The following PER3 variants were observed in gnomAD, a reference collection of about 807,000 sequenced individuals.
The protein encoded by PER3 is period circadian regulator 3.
A neutral mutation model predicts 127.2 loss-of-function variants in PER3; 107 were observed. The observed-to-expected ratio is 0.84, with a 90% CI of 0.72 to 0.99. The LOEUF (loss-of-function observed/expected upper bound fraction) is 0.99, where lower values mean the gene tolerates loss of function less well. PER3 is among the 50% of genes least tolerant of loss of function. The probability of loss-of-function intolerance (pLI) is 0.00; values close to 1 mark genes in which losing one functional copy is unlikely to be tolerated. For synonymous variants in PER3, 618 were observed against 585.8 expected, an observed-to-expected ratio of 1.05 and a Z score of -0.79; for missense variants, 1,560 against 1,525.8, an observed-to-expected ratio of 1.02 and a Z score of -0.37.
Position 7,785,451 on chromosome 1 carries a change from G to A in PER3, c.139G>A (p.Asp47Asn). 1 of 1,612,544 alleles carries A rather than the reference G, an allele frequency of 6.2e-7. No homozygotes were observed. Among genetic ancestry groups the A allele is most frequent in the African/African-American group, 1.3e-5 (1 of 74,996 alleles). The change falls in exon 3 of 22, where the codon GAT becomes AAT. Residue 47 changes from aspartate (D) to asparagine (N), a missense_variant. Asp to Asn is a conservative substitution (Grantham distance 23). Coordinates refer to ENST00000377532, the MANE Select transcript of PER3 (RefSeq NM_001377275.1). ...LADSSHSEQQ[D>N]RNRVSEELIM... ...TTTTTTATCTTCCAGTGAACAGCAA[G>A]ATCGAAACAGAGTTTCTGAAGAACT...
chr1:7,819,291 G>A lies in PER3; in HGVS notation c.1529G>A (p.Cys510Tyr). 6.2e-7 allele frequency: 1 copy of A among 1,613,526 alleles called. No homozygotes were observed. The highest frequency in any genetic ancestry group is 8.5e-7 in the Non-Finnish European group (1 of 1,179,528). Residue 510 changes from cysteine to tyrosine, a missense_variant, in exon 14 of 22, where the codon TGT becomes TAT. This residue lies in a region of PER3 where 1,332 missense variants were observed against 1,223.6 expected (regional missense o/e 1.09). Coordinates refer to ENST00000377532, the MANE Select transcript of PER3 (RefSeq NM_001377275.1). ...GGESANGGGE[C>Y]KTFTSFHQTL... ...TCCCTTTATTCTGTTTCAGGTGAATGTAAGACCTTTACTTCCTTCCACCAA... is the reference window on the plus strand; with the variant it reads ...TCCCTTTATTCTGTTTCAGGTGAATATAAGACCTTTACTTCCTTCCACCAA...
At chr1:7,815,177 T>C (rs2097241782) in intron 13 of PER3, among the ~76,000 whole-genome samples, 1 of 152,204 alleles carries the variant, frequency 6.6e-6, no homozygotes, top group Admixed American at 6.5e-5. Context: ...GTGGCTGGCA[T>C]ATTTTAATCC....
chr1:7,812,311 A>G (rs1558430309), intron 13 of PER3, among the ~76,000 whole-genome samples: 1 of 152,006 alleles, frequency 6.6e-6, no homozygotes, highest in Non-Finnish European at 1.5e-5. Context: ...GCAATATTCC[A>G]TCATTCACTT....
chr1:7,831,818 G>A (rs1309538693), intron 19 of PER3, among the ~76,000 whole-genome samples: 1 of 152,172 alleles, frequency 6.6e-6, no homozygotes, highest in Non-Finnish European at 1.5e-5. Flanking sequence ...TTGCATCTCT[G>A]TGCAGAATAT....
intron 21 of PER3, among the ~76,000 whole-genome samples, chr1:7,838,729 A>G (rs2097369800): frequency 6.6e-6 from 1 of 152,182 alleles, no homozygotes; most frequent in South Asian, 2.1e-4. Flanking sequence ...GAGTGGAATC[A>G]TACATTATTT....
rs2097399940 is a variant in PER3 at position 7,843,411 on chromosome 1, TA to T, written c.*661del. The T allele has an allele frequency of 2.0e-5, 3 of 152,520 alleles. No homozygotes were observed. The highest frequency in any genetic ancestry group is 7.2e-5 in the African/African-American group (3 of 41,570). The allele number at this position is 152,520 out of a possible 1,614,324, so 9.4% of individuals were successfully genotyped here. On this transcript the variant is annotated 3_prime_UTR_variant, in exon 22 of 22. Transcript: ENST00000377532. ...CAGTGAAATTCTGAAAGTCTTATCT[TA>T]AAAATCGATCCGCTTACCATGGGCC...
At chr1:7,810,095 A>C in intron 12 of PER3, 74 bp downstream of exon 12, 1 of 1,357,166 alleles carries the variant, frequency 7.4e-7, no homozygotes, top group South Asian at 1.3e-5. Flanking sequence ...ATGTGGTGAC[A>C]TCTTAGTATA....
Position 7,809,004 on chromosome 1 carries a change from G to A in PER3, c.1242+6G>A, listed in dbSNP as rs1047825129. The A allele has an allele frequency of 2.2e-6, 3 of 1,358,776 alleles. No homozygotes were observed. Among genetic ancestry groups the A allele is most frequent in the East Asian group, 4.6e-5 (2 of 43,262 alleles). The allele number at this position is 1,358,776 out of a possible 1,614,324, so 84.2% of individuals were successfully genotyped here. On this transcript the variant is annotated splice_donor_region_variant and intron_variant, in intron 11 of 21. Transcript: ENST00000377532. ...TTTACAAACTTCTCTTACAGGTAAG[G>A]TGAGATTGTTAAAAATGCAAAGTTC...
chr1:7,786,916 G>A, intron 4 of PER3, 80 bp downstream of exon 4: 1 of 804,202 alleles, frequency 1.2e-6, no homozygotes, highest in Non-Finnish European at 2.2e-6. Context: ...TTTTAAGAAG[G>A]ATAACAACGT....
intron 19 of PER3, among the ~76,000 whole-genome samples, chr1:7,834,241 C>T (rs2097346998): frequency 6.6e-6 from 1 of 151,666 alleles, no homozygotes; most frequent in Non-Finnish European, 1.5e-5. Context: ...GTACAATGCA[C>T]ATCTTTTACT....
intron 6 of PER3, among the ~76,000 whole-genome samples, chr1:7,796,299 G>A (rs182306862): frequency 1.2e-3 from 180 of 144,930 alleles, no homozygotes; most frequent in African/African-American, 4.4e-3. Context: ...ACAGAGGTAG[G>A]AAACGTTCAT....
intron 21 of PER3, among the ~76,000 whole-genome samples, chr1:7,838,895 T>A (rs2097370606): frequency 6.6e-6 from 1 of 152,228 alleles, no homozygotes; most frequent in African/African-American, 2.4e-5. Context: ...ATCGGTTCAG[T>A]CAATCTCTGT....
chr1:7,841,947 T>G (rs1414531546), intron 21 of PER3, among the ~76,000 whole-genome samples: 1 of 152,176 alleles, frequency 6.6e-6, no homozygotes, highest in Non-Finnish European at 1.5e-5. Flanking sequence ...CAAACCTCAG[T>G]GGAGTAGCTT....
chr1:7,800,174 T>G (rs999643861), intron 7 of PER3, among the ~76,000 whole-genome samples: 1 of 151,920 alleles, frequency 6.6e-6, no homozygotes, highest in Non-Finnish European at 1.5e-5. Flanking sequence ...AAATGAGATA[T>G]TAGCATTTGC....
At chr1:7,822,258 AT>A (rs35229328) in intron 16 of PER3, among the ~76,000 whole-genome samples, 83,993 of 144,728 alleles carry the variant, frequency 0.58, 24,614 homozygotes, top group Middle Eastern at 0.72. Context: ...TTAAAAAAAA[AT>A]TTTTTTTTTT....
chr1:7,807,432 T>C (rs979715997), intron 10 of PER3, among the ~76,000 whole-genome samples: 1 of 152,156 alleles, frequency 6.6e-6, no homozygotes, highest in African/African-American at 2.4e-5. Flanking sequence ...CATCCTATGA[T>C]TGTCTTGATA....
chr1:7,844,617 C>T lies in PER3; in HGVS notation c.*1862C>T, dbSNP rs1387503851. ...TGGATATTTGTATTATCCAAATGTGCTTATTTCTTTGCCTTAGCACACGTT... is the reference window on the plus strand; with the variant it reads ...TGGATATTTGTATTATCCAAATGTGTTTATTTCTTTGCCTTAGCACACGTT... On this transcript the variant is annotated 3_prime_UTR_variant, in exon 22 of 22. Coordinates refer to ENST00000377532, the MANE Select transcript of PER3 (RefSeq NM_001377275.1). 1 of 152,798 alleles carries T rather than the reference C, an allele frequency of 6.5e-6. No homozygotes were observed. Among genetic ancestry groups the T allele is most frequent in the Non-Finnish European group, 1.5e-5 (1 of 68,046 alleles). 9.5% of individuals were successfully genotyped at this position (152,798 alleles called of 1,614,324 possible).
chr1:7,801,805 C>T (rs909839031), intron 8 of PER3, among the ~76,000 whole-genome samples: 2 of 152,130 alleles, frequency 1.3e-5, no homozygotes, highest in Admixed American at 1.3e-4. Context: ...ATATCAGTAT[C>T]ACTACATCAG....
At chr1:7,792,408 G>A (rs1049802881) in intron 5 of PER3, among the ~76,000 whole-genome samples, 1 of 152,168 alleles carries the variant, frequency 6.6e-6, no homozygotes, top group Non-Finnish European at 1.5e-5. Context: ...AATTCAAGAT[G>A]AGATTTGGGT....
Sources: allele counts gnomAD v4.1 joint callset (sites outside exome capture counted in the v4.1 genomes callset), GRCh38; gene constraint gnomAD v4.1.1; regional missense constraint gnomAD v4.1.1; transcripts MANE v1.5; gene names NCBI Gene and HGNC (gene_info 2026-07-23, HGNC 2026-07-21).